Variants in DTNB observed in about 807,000 individuals in gnomAD.
The protein encoded by DTNB is DTN-B.
Under a neutral mutation model 90.7 loss-of-function variants are expected in DTNB, and 63 were observed. That is an observed-to-expected ratio of 0.69 (90% CI 0.57 to 0.86). DTNB has a LOEUF of 0.86. DTNB is among the 40% of genes least tolerant of loss of function. The pLI is 0.00. For synonymous variants in DTNB, 277 were observed against 286.7 expected, an observed-to-expected ratio of 0.97 and a Z score of 0.34; for missense variants, 744 against 807.1, an observed-to-expected ratio of 0.92 and a Z score of 0.95.
chr2:25,432,856 T>A, intron 14 of DTNB, 30 bp downstream of exon 14: 1 of 1,563,720 alleles, frequency 6.4e-7, no homozygotes, highest in Non-Finnish European at 8.7e-7. Flanking sequence ...GTAGATTACA[T>A]GTGGCAAGTG....
intron 9 of DTNB, among the ~76,000 whole-genome samples, chr2:25,512,764 G>A (rs1000304833): frequency 1.3e-5 from 2 of 152,208 alleles, no homozygotes; most frequent in African/African-American, 2.4e-5. Flanking sequence ...CAGGAAAGCA[G>A]GTAGCCGGGC....
chr2:25,528,708 G>A (rs976855643), intron 9 of DTNB, among the ~76,000 whole-genome samples: 3 of 151,930 alleles, frequency 2.0e-5, no homozygotes, highest in African/African-American at 7.3e-5. Flanking sequence ...AAAACACATC[G>A]AATTGTACAC....
chr2:25,441,896 A>C (rs2057476019), intron 12 of DTNB, among the ~76,000 whole-genome samples: 1 of 152,182 alleles, frequency 6.6e-6, no homozygotes, highest in Non-Finnish European at 1.5e-5. Flanking sequence ...TAGGATAGAG[A>C]TGGTATTTAA....
intron 10 of DTNB, among the ~76,000 whole-genome samples, chr2:25,461,511 A>G (rs1244079655): frequency 6.6e-6 from 1 of 152,360 alleles, no homozygotes; most frequent in Non-Finnish European, 1.5e-5. Flanking sequence ...GTTTTTCCAA[A>G]GCAGAGTCAA....
At chr2:25,556,261 A>G (rs538185544) in intron 8 of DTNB, among the ~76,000 whole-genome samples, 1 of 145,626 alleles carries the variant, frequency 6.9e-6, no homozygotes, top group East Asian at 2.1e-4. Context: ...TACTTGGTAC[A>G]AGTGTTTTTT....
chr2:25,477,381 A>C (rs1047929554), intron 10 of DTNB, among the ~76,000 whole-genome samples: 2 of 152,280 alleles, frequency 1.3e-5, no homozygotes, highest in African/African-American at 2.4e-5. Context: ...CCATGTTTTT[A>C]CAGTTCAGAA....
chr2:25,569,750 G>C (rs2059544848), intron 8 of DTNB, among the ~76,000 whole-genome samples: 1 of 152,176 alleles, frequency 6.6e-6, no homozygotes, highest in African/African-American at 2.4e-5. Flanking sequence ...ATCTTGTGGG[G>C]AGGAAAAGTG....
intron 2 of DTNB, among the ~76,000 whole-genome samples, chr2:25,647,102 GC>G (rs1316334284): frequency 1.8e-4 from 27 of 152,180 alleles, no homozygotes; most frequent in African/African-American, 6.3e-4. Context: ...TACTAAGTAT[GC>G]TAACTGAAAG....
intron 1 of DTNB, among the ~76,000 whole-genome samples, chr2:25,661,286 G>A (rs1292672440): frequency 6.6e-6 from 1 of 152,158 alleles, no homozygotes; most frequent in African/African-American, 2.4e-5. Context: ...AAAGAGATCG[G>A]CAATGCTTAT....
intron 16 of DTNB, among the ~76,000 whole-genome samples, chr2:25,407,193 G>A (rs2045418972): frequency 6.6e-6 from 1 of 152,068 alleles, no homozygotes; most frequent in Non-Finnish European, 1.5e-5. Flanking sequence ...CTAACCATCA[G>A]GGAAATGCAA....
At chr2:25,394,364 C>T (rs2041905333) in intron 16 of DTNB, among the ~76,000 whole-genome samples, 2 of 152,160 alleles carry the variant, frequency 1.3e-5, no homozygotes, top group South Asian at 2.1e-4. Flanking sequence ...AACCCAAAAG[C>T]AAATGCAACA....
intron 4 of DTNB, among the ~76,000 whole-genome samples, chr2:25,621,064 A>G (rs1436340795): frequency 2.0e-5 from 3 of 152,148 alleles, no homozygotes; most frequent in Non-Finnish European, 4.4e-5. Context: ...ACAACGGTGG[A>G]AAATCTTCCC....
At chr2:25,673,208 G>A (rs1295553744) in intron 1 of DTNB, among the ~76,000 whole-genome samples, 178 bp downstream of exon 1, 1 of 151,428 alleles carries the variant, frequency 6.6e-6, no homozygotes, top group African/African-American at 2.4e-5. Flanking sequence ...CCTCGCAGCC[G>A]CGCGCGGTGC....
intron 16 of DTNB, among the ~76,000 whole-genome samples, chr2:25,389,047 C>CAA (rs2040359049): frequency 6.6e-6 from 1 of 152,170 alleles, no homozygotes; most frequent in Non-Finnish European, 1.5e-5. Flanking sequence ...GGGGTTTCAA[C>CAA]ACGTTGTCCA....
intron 9 of DTNB, among the ~76,000 whole-genome samples, chr2:25,507,940 G>A (rs1178938729): frequency 6.6e-6 from 1 of 152,082 alleles, no homozygotes; most frequent in Non-Finnish European, 1.5e-5. Context: ...CTTTGGCAAG[G>A]AATGCTCTTC....
intron 8 of DTNB, 58 bp from the exon 9 acceptor site, chr2:25,531,655 C>CA: frequency 6.5e-7 from 1 of 1,547,462 alleles, no homozygotes; most frequent in South Asian, 1.3e-5. Context: ...AAAGGAACTT[C>CA]AAAAAAGAAA....
At chr2:25,397,337 CAA>C (rs749225408) in intron 16 of DTNB, among the ~76,000 whole-genome samples, 17 of 63,388 alleles carry the variant, frequency 2.7e-4, no homozygotes, top group Admixed American at 3.6e-4. Flanking sequence ...GACTCTGTCT[CAA>C]AAAAAAAAAA....
intron 18 of DTNB, among the ~76,000 whole-genome samples, chr2:25,384,934 A>G (rs1196619894): frequency 6.6e-6 from 1 of 150,894 alleles, no homozygotes; most frequent in East Asian, 1.9e-4. Flanking sequence ...GCTGGACTAC[A>G]GCGGCGCGAT....
chr2:25,454,988 C>T (rs941641431), intron 11 of DTNB, among the ~76,000 whole-genome samples: 6 of 152,038 alleles, frequency 3.9e-5, no homozygotes, highest in Non-Finnish European at 8.8e-5. Context: ...TATCAAAGTC[C>T]CCAGATAAGA....
Sources: allele counts gnomAD v4.1 joint callset (sites outside exome capture counted in the v4.1 genomes callset), GRCh38; gene constraint gnomAD v4.1.1; transcripts MANE v1.5; gene names NCBI Gene and HGNC (gene_info 2026-07-23, HGNC 2026-07-21).